The following CNBD1 variants were observed in gnomAD, a reference collection of about 807,000 sequenced individuals.
CNBD1 encodes the protein cyclic nucleotide binding domain containing 1.
A neutral mutation model predicts 54.4 loss-of-function variants in CNBD1; 71 were observed. That is an observed-to-expected ratio of 1.30 (90% CI 1.08 to 1.59). CNBD1 has a LOEUF of 1.59. Ranked by LOEUF, CNBD1 falls within the 40% of genes most tolerant of loss-of-function variation. The probability of loss-of-function intolerance (pLI) is 0.00; values close to 1 mark genes in which losing one functional copy is unlikely to be tolerated. For missense variants in CNBD1, 659 were observed against 518.0 expected (o/e 1.27, Z -2.64); for synonymous variants, 182 against 170.7 (o/e 1.07, Z -0.51).
At chr8:87,291,342 T>A (rs2130874968) in intron 8 of CNBD1, among the ~76,000 whole-genome samples, 1 of 152,298 alleles carries the variant, frequency 6.6e-6, no homozygotes, top group South Asian at 2.1e-4. Context: ...TTTACTATTG[T>A]TAAGATAATG....
chr8:87,389,309 T>A (rs1811258860), intron 2 of CNBD1, among the ~76,000 whole-genome samples: 1 of 152,178 alleles, frequency 6.6e-6, no homozygotes, highest in Non-Finnish European at 1.5e-5. Context: ...GGAAGTCAAA[T>A]TGTCCCTGTT....
chr8:86,879,231 T>C (rs1413136062), intron 1 of CNBD1, among the ~76,000 whole-genome samples: 1 of 152,160 alleles, frequency 6.6e-6, no homozygotes, highest in East Asian at 1.9e-4. Context: ...TTAAATCCAA[T>C]CATTATGATA....
intron 2 of CNBD1, among the ~76,000 whole-genome samples, chr8:87,398,874 G>A (rs559332140): frequency 2.0e-5 from 3 of 152,096 alleles, no homozygotes; most frequent in South Asian, 2.1e-4. Flanking sequence ...GACCAAGACA[G>A]GCAGTAAATC....
At chr8:86,888,629 G>A (rs1304981579) in intron 2 of CNBD1, among the ~76,000 whole-genome samples, 2 of 152,136 alleles carry the variant, frequency 1.3e-5, no homozygotes, top group Non-Finnish European at 2.9e-5. Context: ...CTGGCACATA[G>A]TAAGGGTTCC....
intron 4 of CNBD1, among the ~76,000 whole-genome samples, chr8:87,156,424 T>G (rs935100415): frequency 1.3e-5 from 2 of 150,780 alleles, no homozygotes; most frequent in African/African-American, 4.9e-5. Context: ...TTTTTTATTT[T>G]TAATAGAAGC....
At chr8:86,869,389 C>T (rs746599240) in intron 1 of CNBD1, among the ~76,000 whole-genome samples, 7 of 152,144 alleles carry the variant, frequency 4.6e-5, no homozygotes, top group African/African-American at 7.2e-5. Context: ...TTGCCCCTTA[C>T]CTCCTGCCCT....
intron 6 of CNBD1, among the ~76,000 whole-genome samples, chr8:87,247,547 C>A (rs1292849399): frequency 1.3e-5 from 2 of 152,118 alleles, no homozygotes; most frequent in Non-Finnish European, 2.9e-5. Context: ...ATTCCTTGAC[C>A]ATGTTGAATG....
intron 4 of CNBD1, among the ~76,000 whole-genome samples, chr8:86,949,958 T>TGTTTTTG (rs1563833527): frequency 2.7e-5 from 1 of 36,490 alleles, no homozygotes; most frequent in African/African-American, 7.9e-5. Context: ...TTTTTTTTTT[T>TGTTTTTG]TTTTTTTTTT....
At chr8:86,994,914 G>A (rs1808835297) in intron 4 of CNBD1, among the ~76,000 whole-genome samples, 2 of 152,130 alleles carry the variant, frequency 1.3e-5, no homozygotes, top group Admixed American at 1.3e-4. Context: ...GGAGGATATA[G>A]GTTGTGTGCT....
At chr8:86,961,638 T>A (rs528472929) in intron 4 of CNBD1, among the ~76,000 whole-genome samples, 2 of 152,270 alleles carry the variant, frequency 1.3e-5, no homozygotes, top group South Asian at 4.1e-4. Context: ...AACCTTAGAG[T>A]GTCAGATGTC....
chr8:87,401,257 C>A lies in CNBD1; in HGVS notation c.214-27289C>A, dbSNP rs569400717. Among the ~76,000 whole-genome samples the A allele has an allele frequency of 9.5e-4, 144 of 152,046 alleles. 1 individual carries two copies. The highest frequency in any genetic ancestry group is 1.3e-3 in the Non-Finnish European group (88 of 67,932). ...TAAATCTAAATCTCACAGATGAGAA[C>A]CTGAGATATTTAATTCCTAAGGCCA... On this transcript the variant is annotated intron_variant, in intron 2 of 7. Transcript: ENST00000521593.
At chr8:87,081,971 G>T (rs374668287) in intron 4 of CNBD1, among the ~76,000 whole-genome samples, 2 of 152,026 alleles carry the variant, frequency 1.3e-5, no homozygotes, top group African/African-American at 4.8e-5. Context: ...TTTTTGCTTC[G>T]TGCATTTTAA....
rs200424100 is a variant in CNBD1, at chr8:87,304,143, C to A, written c.1042+17472C>A. On this transcript the variant is annotated intron_variant, in intron 8 of 10. Transcript: ENST00000518476. Reference sequence around the variant, plus strand: ...CAGCCATCCCATTACTGGGTATATACCCAAAGGACTATAAATCATGCTGCT... The same window carrying A: ...CAGCCATCCCATTACTGGGTATATAACCAAAGGACTATAAATCATGCTGCT... Among the ~76,000 whole-genome samples the A allele has an allele frequency of 1.3e-4, 20 of 151,928 alleles. No homozygotes were observed. In the East Asian group the frequency reaches 3.3e-3, roughly 25 times the overall value.
intron 8 of CNBD1, among the ~76,000 whole-genome samples, chr8:87,342,849 C>T (rs1346978672): frequency 1.3e-5 from 2 of 152,142 alleles, no homozygotes; most frequent in African/African-American, 4.8e-5. Flanking sequence ...TCCCACTGTG[C>T]ACGCATTGTC....
chr8:87,388,679 G>A (rs1811242994), intron 2 of CNBD1, among the ~76,000 whole-genome samples: 1 of 152,126 alleles, frequency 6.6e-6, no homozygotes, highest in Admixed American at 6.5e-5. Flanking sequence ...GGTACAAGGA[G>A]GAGCTGGTAC....
intron 8 of CNBD1, among the ~76,000 whole-genome samples, chr8:87,309,182 CTTTA>C (rs919327771): frequency 1.5e-4 from 23 of 152,190 alleles, no homozygotes; most frequent in Admixed American, 1.5e-3. Context: ...TAAATAATGG[CTTTA>C]TTTATATTCC....
Position 86,977,726 on chromosome 8 carries a change from G to A in CNBD1, c.431+37972G>A, listed in dbSNP as rs975607394. ...AACTGAACAGACCAATAATGAGTAA[G>A]TAGATTGAAACAGGAATAAAAGGTC... On this transcript the variant is annotated intron_variant, in intron 4 of 10. Coordinates refer to ENST00000518476, the MANE Select transcript of CNBD1 (RefSeq NM_173538.3). Among the ~76,000 whole-genome samples the A allele has an allele frequency of 3.3e-5, 5 of 152,212 alleles. 1 individual carries two copies. In the South Asian group the frequency reaches 6.2e-4, roughly 19 times the overall value.
chr8:87,163,353 TA>T lies in CNBD1; in HGVS notation c.432-42629del, dbSNP rs947983512. On this transcript the variant is annotated intron_variant, in intron 4 of 10. Coordinates refer to ENST00000518476, the MANE Select transcript of CNBD1 (RefSeq NM_173538.3). The surrounding 1 kb of genome is among the most constrained non-coding windows in gnomAD (Gnocchi z 4.5). ...TTTAGAATTGTTTTTTCCATTTCTG[TA>T]AAAAAAAAAATTAGAATTTTGATAG... 2.9e-4 allele frequency among the ~76,000 whole-genome samples: 42 copies of T among 147,164 alleles called. No individual in the cohort carries two copies. Among genetic ancestry groups the T allele is most frequent in the East Asian group, 1.2e-3 (6 of 5,088 alleles).
chr8:87,418,295 T>C (rs1176782656), intron 2 of CNBD1, among the ~76,000 whole-genome samples: 1 of 151,978 alleles, frequency 6.6e-6, no homozygotes, highest in African/African-American at 2.4e-5. Context: ...CAAATCGTGC[T>C]GAGACAACCG....
Sources: allele counts gnomAD v4.1 joint callset (sites outside exome capture counted in the v4.1 genomes callset), GRCh38; gene constraint gnomAD v4.1.1; non-coding constraint Gnocchi (gnomAD v3.1); transcripts MANE v1.5; gene names NCBI Gene and HGNC (gene_info 2026-07-23, HGNC 2026-07-21).